Variants in JAKMIP2 observed in about 807,000 individuals in gnomAD.
The protein encoded by JAKMIP2 is janus kinase and microtubule interacting protein 2, also known as janus kinase and microtubule-interacting protein 2.
Under a neutral mutation model 115.0 loss-of-function variants are expected in JAKMIP2, and 25 were observed. The observed-to-expected ratio is 0.22, with a 90% CI of 0.16 to 0.30. The LOEUF (loss-of-function observed/expected upper bound fraction) is 0.30, where lower values mean the gene tolerates loss of function less well. Ranked by LOEUF, JAKMIP2 falls within the 10% of genes least tolerant of loss-of-function variation. JAKMIP2 has a pLI of 1.00. For missense variants in JAKMIP2, 642 were observed against 957.6 expected (o/e 0.67, Z 4.35); for synonymous variants, 334 against 343.6 (o/e 0.97, Z 0.31).
intron 21 of JAKMIP2, among the ~76,000 whole-genome samples, chr5:147,595,776 T>C (rs1755353808): frequency 6.6e-6 from 1 of 152,202 alleles, no homozygotes; most frequent in African/African-American, 2.4e-5. Flanking sequence ...TTGTTGACTA[T>C]GTGCTAGACA....
At chr5:147,713,205 T>G (rs76549816) in intron 1 of JAKMIP2, among the ~76,000 whole-genome samples, 23,564 of 152,184 alleles carry the variant, frequency 0.15, 1,878 homozygotes, top group Middle Eastern at 0.2. Context: ...TTAATTATAT[T>G]AATACAAAAT....
intron 1 of JAKMIP2, among the ~76,000 whole-genome samples, chr5:147,778,711 CAG>C (rs1755653391): frequency 6.6e-6 from 1 of 151,908 alleles, no homozygotes; most frequent in Non-Finnish European, 1.5e-5. Flanking sequence ...GGAAAAATGA[CAG>C]AATCATAAAA....
At position 147,665,674 on chromosome 5, in the gene JAKMIP2, G is replaced by T. The variant is rs924150148; in HGVS notation, c.130-4229C>A. Reference sequence around the variant, plus strand: ...TTGCTTTATCCTTCTGAGGATTTTTGATTACACTTAAAAATGTCTGTAACT... The same window carrying T: ...TTGCTTTATCCTTCTGAGGATTTTTTATTACACTTAAAAATGTCTGTAACT... On this transcript the variant is annotated intron_variant, in intron 2 of 21. Coordinates refer to ENST00000616793, the MANE Select transcript of JAKMIP2 (RefSeq NM_001270941.2). Among the ~76,000 whole-genome samples the T allele has an allele frequency of 2.5e-4, 38 of 152,116 alleles. 1 individual carries two copies. The highest frequency in any genetic ancestry group is 4.4e-5 in the Non-Finnish European group (3 of 68,018).
At position 147,729,337 on chromosome 5, in the gene JAKMIP2, T is replaced by G. The variant is rs1753635923; in HGVS notation, c.-149+53119A>C. Among the ~76,000 whole-genome samples, 3 of 152,270 alleles carry G rather than the reference T, an allele frequency of 2.0e-5. No homozygotes were observed. In the South Asian group the frequency reaches 6.2e-4, roughly 32 times the overall value. ...ATCAGAGGATGCTCGAGACAGCCCT[T>G]TGAAAACTAAAAGAAGATGCTTAGG... On this transcript the variant is annotated intron_variant, in intron 1 of 21. Coordinates refer to ENST00000616793, the MANE Select transcript of JAKMIP2 (RefSeq NM_001270941.2).
At chr5:147,672,284 A>T (rs1759648525) in intron 1 of JAKMIP2, among the ~76,000 whole-genome samples, 1 of 152,226 alleles carries the variant, frequency 6.6e-6, no homozygotes, top group African/African-American at 2.4e-5. Flanking sequence ...TCCAAACATA[A>T]GGAACATGGT....
At chr5:147,744,739 T>G (rs1204474373) in intron 1 of JAKMIP2, among the ~76,000 whole-genome samples, 4 of 152,026 alleles carry the variant, frequency 2.6e-5, no homozygotes, top group African/African-American at 2.4e-5. Flanking sequence ...TCTCTGTGAG[T>G]GTACCCAGAT....
chr5:147,591,421 C>T lies in JAKMIP2; in HGVS notation c.*286G>A. ...TCCATTGCTGAACTTTTTCTTTACACAATATATGTTTATAGTTCTTCTCTT... is the reference window on the plus strand; with the variant it reads ...TCCATTGCTGAACTTTTTCTTTACATAATATATGTTTATAGTTCTTCTCTT... On this transcript the variant is annotated 3_prime_UTR_variant, in exon 22 of 22. Transcript: ENST00000616793. 2 of 464,472 alleles carry T rather than the reference C, an allele frequency of 4.3e-6. No homozygotes were observed. Among genetic ancestry groups the T allele is most frequent in the Admixed American group, 4.5e-5 (1 of 22,336 alleles). 28.8% of individuals were successfully genotyped at this position (464,472 alleles called of 1,614,324 possible).
intron 2 of JAKMIP2, among the ~76,000 whole-genome samples, chr5:147,665,125 G>T (rs530119300): frequency 4.6e-5 from 7 of 152,086 alleles, no homozygotes; most frequent in Non-Finnish European, 1.0e-4. Context: ...ATTGGGGTGG[G>T]CAAACTACCA....
chr5:147,752,605 G>T (rs1481833687), intron 1 of JAKMIP2, among the ~76,000 whole-genome samples: 1 of 152,162 alleles, frequency 6.6e-6, no homozygotes, highest in Non-Finnish European at 1.5e-5. Context: ...TGGGCCTTTG[G>T]AGGAAAAGTT....
intron 3 of JAKMIP2, among the ~76,000 whole-genome samples, chr5:147,657,717 C>A (rs1758750451): frequency 6.6e-6 from 1 of 151,876 alleles, no homozygotes; most frequent in African/African-American, 2.4e-5. Context: ...ATTCTTTTTT[C>A]TCTAATCTTG....
chr5:147,654,310 G>A (rs1207721060), intron 3 of JAKMIP2, among the ~76,000 whole-genome samples: 1 of 151,878 alleles, frequency 6.6e-6, no homozygotes, highest in African/African-American at 2.4e-5. Context: ...TGTCAGTATG[G>A]ACATTTTCAT....
chr5:147,654,050 G>C (rs1758542738), intron 3 of JAKMIP2, among the ~76,000 whole-genome samples: 1 of 152,098 alleles, frequency 6.6e-6, no homozygotes, highest in Non-Finnish European at 1.5e-5. Flanking sequence ...TGAGGCCTCT[G>C]TTCTGTTCCA....
chr5:147,662,838 G>A (rs1581375678), intron 2 of JAKMIP2, among the ~76,000 whole-genome samples: 1 of 151,860 alleles, frequency 6.6e-6, no homozygotes, highest in Admixed American at 6.6e-5. Flanking sequence ...TACAAAAATT[G>A]GCTGGGCGTG....
chr5:147,741,426 A>G (rs1754138120), intron 1 of JAKMIP2, among the ~76,000 whole-genome samples: 1 of 152,106 alleles, frequency 6.6e-6, no homozygotes, highest in African/African-American at 2.4e-5. Context: ...TTACCTTTAT[A>G]TACATATAAA....
At chr5:147,708,091 A>C (rs555350650) in intron 1 of JAKMIP2, among the ~76,000 whole-genome samples, 1 of 152,352 alleles carries the variant, frequency 6.6e-6, no homozygotes, top group Middle Eastern at 3.4e-3. Flanking sequence ...GCAACTATTG[A>C]GTCAAAGATT....
At chr5:147,693,981 G>A (rs920468058) in intron 1 of JAKMIP2, among the ~76,000 whole-genome samples, 3 of 152,150 alleles carry the variant, frequency 2.0e-5, no homozygotes, top group Non-Finnish European at 4.4e-5. Context: ...GTTCCAGATA[G>A]GTGAAGTTTA....
intron 1 of JAKMIP2, among the ~76,000 whole-genome samples, chr5:147,688,786 A>G (rs1045188451): frequency 2.6e-5 from 4 of 152,216 alleles, no homozygotes; most frequent in African/African-American, 9.6e-5. Flanking sequence ...GCTCTGTTCT[A>G]AAATCAGCTT....
At chr5:147,697,444 A>C (rs1752149815) in intron 1 of JAKMIP2, among the ~76,000 whole-genome samples, 2 of 152,216 alleles carry the variant, frequency 1.3e-5, no homozygotes, top group Admixed American at 1.3e-4. Flanking sequence ...CAAATCATAT[A>C]AAAGCCAAAT....
In JAKMIP2 at chr5:147,782,615, A is replaced by C. The variant is rs1295785651; in HGVS notation, c.-308T>G. On this transcript the variant is annotated 5_prime_UTR_variant, in exon 1 of 22. Coordinates refer to ENST00000616793, the MANE Select transcript of JAKMIP2 (RefSeq NM_001270941.2). ...CTGGTTGGCGATGGTGCGAATAGGA[A>C]CCACCCTTCCAGCCCCACTAGAGTA... 1 of 743,698 alleles carries C rather than the reference A, an allele frequency of 1.3e-6. No homozygotes were observed. The highest frequency in any genetic ancestry group is 2.3e-6 in the Non-Finnish European group (1 of 427,196). The allele number at this position is 743,698 out of a possible 1,614,324, so 46.1% of individuals were successfully genotyped here.
Sources: gnomAD v4.1 joint callset for allele counts (sites outside exome capture counted in the v4.1 genomes callset) on GRCh38, gnomAD v4.1.1 for gene constraint, MANE v1.5 for transcripts, NCBI Gene and HGNC (gene_info 2026-07-23, HGNC 2026-07-21) for gene names.